Variants in ANKRD13C observed in about 807,000 individuals in gnomAD.
The protein encoded by ANKRD13C is ankyrin repeat domain 13C.
A neutral mutation model predicts 65.5 loss-of-function variants in ANKRD13C; 16 were observed. The ratio of observed to expected loss-of-function variants is 0.24; its 90% CI spans 0.17 to 0.37. ANKRD13C has a LOEUF of 0.37. Among genes scored for constraint, ANKRD13C ranks in the 10% least tolerant of loss-of-function variants. The pLI, the probability that ANKRD13C is intolerant of heterozygous loss-of-function variation, is 1.00. For missense variants in ANKRD13C, 503 were observed against 655.9 expected (o/e 0.77, Z 2.55); for synonymous variants, 235 against 238.7 (o/e 0.98, Z 0.14).
In ANKRD13C at chr1:70,312,313, T is replaced by C. The variant is rs188309182; in HGVS notation, c.709+1432A>G. Among the ~76,000 whole-genome samples, 99 of 152,138 alleles carry C rather than the reference T, an allele frequency of 6.5e-4. 1 individual carries two copies. The East Asian group carries it at 0.018, about 28-fold the overall frequency. On this transcript the variant is annotated intron_variant, in intron 5 of 12. Transcript: ENST00000370944. ...TCAGAATGTAATGTTTTAAATTAAG[T>C]TGCATTTATTGACCTCCCATAGACT...
intron 9 of ANKRD13C, among the ~76,000 whole-genome samples, chr1:70,281,977 G>A (rs1679414687): frequency 6.6e-6 from 1 of 151,316 alleles, no homozygotes; most frequent in African/African-American, 2.4e-5. Context: ...TCCAGTATGG[G>A]CAACAGAGGG....
rs191253071 is a variant in ANKRD13C at position 70,332,746 on chromosome 1, G to A, written c.472+3312C>T. Among the ~76,000 whole-genome samples, 550 of 152,254 alleles carry A rather than the reference G, an allele frequency of 3.6e-3. 5 individuals are homozygous for A. The South Asian group carries it at 0.036, about 10-fold the overall frequency. On this transcript the variant is annotated intron_variant, in intron 2 of 12. Coordinates refer to ENST00000370944, the MANE Select transcript of ANKRD13C (RefSeq NM_030816.5). ...CTCCCAAAGTGCTAGGATTACAGAC[G>A]TGAGCCACCACGGCTGGCTGAAATA...
chr1:70,317,502 T>C (rs1439827607), intron 3 of ANKRD13C, among the ~76,000 whole-genome samples: 1 of 152,166 alleles, frequency 6.6e-6, no homozygotes, highest in African/African-American at 2.4e-5. Context: ...ACAGTAGTTA[T>C]CGTTTTTATA....
At chr1:70,333,310 A>G (rs1681888416) in intron 2 of ANKRD13C, among the ~76,000 whole-genome samples, 1 of 152,032 alleles carries the variant, frequency 6.6e-6, no homozygotes, top group South Asian at 2.1e-4. Context: ...TAAAGTTCCA[A>G]TCCAATGTTC....
At chr1:70,280,226 G>C (rs1277094828) in intron 9 of ANKRD13C, among the ~76,000 whole-genome samples, 2 of 152,156 alleles carry the variant, frequency 1.3e-5, no homozygotes, top group African/African-American at 2.4e-5. Context: ...AATTGAGGGT[G>C]ACAGGGGCTA....
chr1:70,313,932 T>C, intron 4 of ANKRD13C, 142 bp from the exon 5 acceptor site: 1 of 506,490 alleles, frequency 2.0e-6, no homozygotes, highest in Non-Finnish European at 3.5e-6. Flanking sequence ...CTGTATATTT[T>C]ATAATATTTT....
intron 8 of ANKRD13C, 120 bp from the exon 9 acceptor site, chr1:70,292,669 A>T (rs1679910785): frequency 1.4e-6 from 1 of 718,406 alleles, no homozygotes; most frequent in Non-Finnish European, 2.2e-6. Flanking sequence ...TGGTACTTGA[A>T]ATTATCAAAC....
chr1:70,271,422 A>T (rs891917689), intron 11 of ANKRD13C, among the ~76,000 whole-genome samples: 3 of 152,188 alleles, frequency 2.0e-5, no homozygotes, highest in African/African-American at 7.2e-5. Flanking sequence ...CATATTAGTC[A>T]TTATGCTATA....
intron 12 of ANKRD13C, among the ~76,000 whole-genome samples, chr1:70,268,155 A>C (rs1678714262): frequency 6.6e-6 from 1 of 152,000 alleles, no homozygotes; most frequent in African/African-American, 2.4e-5. Flanking sequence ...ATATGAAGTC[A>C]CTCATACAGC....
Position 70,292,468 on chromosome 1 carries a change from T to C in ANKRD13C, c.1135A>G (p.Ser379Gly). ...LESRKRREHL[S>G]EEDILRNKAI... ...TTATTTCGAAGAATATCCTCTTCAC[T>C]GAGATGTTCTCTTCTTTTCCTTGAT... Residue 379 changes from serine to glycine, a missense_variant, in exon 9 of 13, where the codon AGT becomes GGT. By Grantham distance (56) the Ser-to-Gly change is moderately conservative. Transcript: ENST00000370944. 1 of 1,608,938 alleles carries C rather than the reference T, an allele frequency of 6.2e-7. No individual in the cohort carries two copies. Among genetic ancestry groups the C allele is most frequent in the Non-Finnish European group, 8.5e-7 (1 of 1,177,476 alleles).
intron 2 of ANKRD13C, among the ~76,000 whole-genome samples, chr1:70,331,129 TTG>T (rs2101570501): frequency 6.6e-6 from 1 of 152,344 alleles, no homozygotes; most frequent in South Asian, 2.1e-4. Context: ...GGAAATTTTG[TTG>T]TGTTTATAGA....
Position 70,274,705 on chromosome 1 carries a change from T to C in ANKRD13C, c.1394+15A>G. On this transcript the variant is annotated intron_variant, in intron 11 of 12. Coordinates refer to ENST00000370944, the MANE Select transcript of ANKRD13C (RefSeq NM_030816.5). Reference sequence around the variant, plus strand: ...AGTTTCTTTCATAAACATTTGTAGTTAGTAACAAACTTACAACTCTATCCC... The same window carrying C: ...AGTTTCTTTCATAAACATTTGTAGTCAGTAACAAACTTACAACTCTATCCC... The C allele has an allele frequency of 6.4e-7, 1 of 1,557,684 alleles. No homozygotes were observed. Among genetic ancestry groups the C allele is most frequent in the Non-Finnish European group, 8.9e-7 (1 of 1,129,066 alleles).
At chr1:70,306,110 C>A in intron 6 of ANKRD13C, 114 bp downstream of exon 6, 1 of 589,624 alleles carries the variant, frequency 1.7e-6, no homozygotes. Flanking sequence ...AATATTGTGA[C>A]TCTGTTACAG....
At chr1:70,291,801 CAACTCTA>C (rs1679879391) in intron 9 of ANKRD13C, among the ~76,000 whole-genome samples, 1 of 151,250 alleles carries the variant, frequency 6.6e-6, no homozygotes, top group African/African-American at 2.4e-5. Context: ...AGGGAGACTC[CAACTCTA>C]AATAAATAAA....
At chr1:70,273,532 G>A (rs1172698956) in intron 11 of ANKRD13C, among the ~76,000 whole-genome samples, 5 of 152,058 alleles carry the variant, frequency 3.3e-5, no homozygotes, top group African/African-American at 1.2e-4. Context: ...TGAAAATGGT[G>A]ACAAACTACA....
intron 5 of ANKRD13C, among the ~76,000 whole-genome samples, chr1:70,312,129 G>A (rs1328574042): frequency 1.3e-5 from 2 of 152,100 alleles, no homozygotes; most frequent in Admixed American, 6.5e-5. Context: ...GAAATAACAA[G>A]TATAATTGTT....
At chr1:70,325,970 G>A (rs1681519467) in intron 2 of ANKRD13C, among the ~76,000 whole-genome samples, 2 of 152,044 alleles carry the variant, frequency 1.3e-5, no homozygotes, top group Non-Finnish European at 2.9e-5. Flanking sequence ...AGTGGCTCAT[G>A]CCTGTAATCC....
At chr1:70,293,810 C>T (rs1388134225) in intron 8 of ANKRD13C, among the ~76,000 whole-genome samples, 1 of 152,078 alleles carries the variant, frequency 6.6e-6, no homozygotes, top group Non-Finnish European at 1.5e-5. Flanking sequence ...GTTTTTGAAA[C>T]CTTATAATGA....
intron 11 of ANKRD13C, among the ~76,000 whole-genome samples, chr1:70,272,504 A>G (rs2101125202): frequency 6.6e-6 from 1 of 151,928 alleles, no homozygotes; most frequent in East Asian, 1.9e-4. Flanking sequence ...ACAGGTGTGC[A>G]CCACCATGTC....
Sources: allele counts gnomAD v4.1 joint callset (sites outside exome capture counted in the v4.1 genomes callset), GRCh38; gene constraint gnomAD v4.1.1; transcripts MANE v1.5; gene names NCBI Gene and HGNC (gene_info 2026-07-23, HGNC 2026-07-21).